Variants in PTK2 observed in about 807,000 individuals in gnomAD.
The protein encoded by PTK2 is focal adhesion kinase 1.
A neutral mutation model predicts 150.1 loss-of-function variants in PTK2; 45 were observed. That is an observed-to-expected ratio of 0.30 (90% confidence interval 0.24 to 0.38). The LOEUF (loss-of-function observed/expected upper bound fraction) is 0.38, where lower values mean the gene tolerates loss of function less well. Among genes scored for constraint, PTK2 ranks in the 10% least tolerant of loss-of-function variants. The pLI, the probability that PTK2 is intolerant of heterozygous loss-of-function variation, is 1.00. For synonymous variants in PTK2, 432 were observed against 449.2 expected (o/e 0.96, Z 0.48); for missense variants, 919 against 1,307.3 (o/e 0.70, Z 4.58).
At chr8:140,809,662 C>T (rs1013153773) in intron 10 of PTK2, among the ~76,000 whole-genome samples, 27 of 151,982 alleles carry the variant, frequency 1.8e-4, no homozygotes, top group African/African-American at 5.3e-4. Flanking sequence ...AAAAATTAGC[C>T]GAGTGTAATG....
At chr8:140,663,297 AG>A (rs2083562131) in intron 31 of PTK2, among the ~76,000 whole-genome samples, 1 of 151,954 alleles carries the variant, frequency 6.6e-6, no homozygotes, top group South Asian at 2.1e-4. Flanking sequence ...TGAAACTCAA[AG>A]GAAAGTTGGG....
At chr8:140,836,530 G>C (rs1053447876) in intron 7 of PTK2, among the ~76,000 whole-genome samples, 3 of 152,164 alleles carry the variant, frequency 2.0e-5, no homozygotes, top group African/African-American at 7.2e-5. Context: ...ATAAACTTCT[G>C]TCTCAGTGAG....
intron 1 of PTK2, among the ~76,000 whole-genome samples, chr8:140,985,737 T>C (rs190873643): frequency 1.6e-3 from 239 of 152,330 alleles, no homozygotes; most frequent in African/African-American, 4.8e-3. Flanking sequence ...GCAAGTGCAA[T>C]GGGAGACACT....
At chr8:140,981,987 A>G (rs967884323) in intron 1 of PTK2, among the ~76,000 whole-genome samples, 1 of 151,780 alleles carries the variant, frequency 6.6e-6, no homozygotes, top group African/African-American at 2.4e-5. Flanking sequence ...TCTTCAGTTT[A>G]ATCATTTTTT....
At chr8:140,995,083 C>CAAAAAAAA (rs35987927) in intron 1 of PTK2, among the ~76,000 whole-genome samples, 2 of 122,316 alleles carry the variant, frequency 1.6e-5, no homozygotes, top group African/African-American at 6.3e-5. Context: ...AACTCTGTCT[C>CAAAAAAAA]AAAAAAAAAA....
intron 22 of PTK2, chr8:140,732,741 C>A: frequency 9.3e-6 from 3 of 321,778 alleles, no homozygotes; most frequent in South Asian, 7.6e-5. Flanking sequence ...GAATTGAACA[C>A]GGGTTGCAGC....
intron 16 of PTK2, among the ~76,000 whole-genome samples, chr8:140,760,741 T>G (rs1051374905): frequency 1.3e-5 from 2 of 152,238 alleles, no homozygotes; most frequent in South Asian, 2.1e-4. Flanking sequence ...CAAATGATAC[T>G]TCATTAAGCT....
At chr8:140,688,067 T>C (rs1452393205) in intron 26 of PTK2, among the ~76,000 whole-genome samples, 3 of 152,214 alleles carry the variant, frequency 2.0e-5, no homozygotes, top group African/African-American at 4.8e-5. Flanking sequence ...AGGTGAAACT[T>C]GTGTGTTGTC....
At chr8:140,943,835 TG>T (rs1445030012) in intron 1 of PTK2, among the ~76,000 whole-genome samples, 1 of 152,212 alleles carries the variant, frequency 6.6e-6, no homozygotes, top group Non-Finnish European at 1.5e-5. Context: ...ACTACTAATG[TG>T]GAACATCTTT....
At chr8:140,819,368 GA>G (rs1566977624) in intron 8 of PTK2, among the ~76,000 whole-genome samples, 1 of 151,830 alleles carries the variant, frequency 6.6e-6, no homozygotes, top group Non-Finnish European at 1.5e-5. Context: ...TGTTAGGAGG[GA>G]AAAAAACAGT....
intron 15 of PTK2, 52 bp downstream of exon 18, chr8:140,762,315 TC>T: frequency 9.4e-7 from 1 of 1,068,892 alleles, no homozygotes; most frequent in Non-Finnish European, 1.2e-6. Flanking sequence ...CCCATATCAC[TC>T]CACAGGTTGC....
At chr8:140,752,825 G>C (rs919605628) in intron 16 of PTK2, among the ~76,000 whole-genome samples, 1 of 152,238 alleles carries the variant, frequency 6.6e-6, no homozygotes, top group Non-Finnish European at 1.5e-5. Context: ...CTAAAGGAGG[G>C]AGGAGAGGGA....
At chr8:140,743,083 C>T (rs2100056637) in intron 20 of PTK2, 147 bp downstream of exon 23, 3 of 565,534 alleles carry the variant, frequency 5.3e-6, no homozygotes, top group African/African-American at 1.9e-5. Flanking sequence ...ACTGCTCCAG[C>T]ACCATTGCTG....
intron 3 of PTK2, among the ~76,000 whole-genome samples, chr8:140,887,339 A>C (rs1568210997): frequency 6.6e-6 from 1 of 152,150 alleles, no homozygotes; most frequent in Non-Finnish European, 1.5e-5. Flanking sequence ...TGTACCCAAG[A>C]TCTCCAGATC....
intron 2 of PTK2, among the ~76,000 whole-genome samples, chr8:140,893,156 C>T (rs1054073306): frequency 6.6e-6 from 1 of 152,104 alleles, no homozygotes; most frequent in Non-Finnish European, 1.5e-5. Flanking sequence ...GGCGAAACCC[C>T]ATCTCTATAA....
At chr8:140,906,882 G>A (rs1340135096) in intron 2 of PTK2, among the ~76,000 whole-genome samples, 2 of 152,022 alleles carry the variant, frequency 1.3e-5, no homozygotes, top group African/African-American at 4.8e-5. Context: ...ATTGTATACA[G>A]GTATCACGTA....
At chr8:140,660,026 A>T (rs1563735717) in intron 31 of PTK2, among the ~76,000 whole-genome samples, 1 of 151,618 alleles carries the variant, frequency 6.6e-6, no homozygotes, top group African/African-American at 2.4e-5. Flanking sequence ...GCATTTAAAC[A>T]TTTTTTTTAC....
intron 26 of PTK2, among the ~76,000 whole-genome samples, chr8:140,700,513 TTCAC>T (rs1250789565): frequency 6.8e-4 from 103 of 151,728 alleles, no homozygotes; most frequent in African/African-American, 2.4e-3. Flanking sequence ...GAGATGGAGT[TTCAC>T]TCGTCGCCCA....
At chr8:140,690,095 G>A (rs777486769) in intron 26 of PTK2, among the ~76,000 whole-genome samples, 2 of 152,162 alleles carry the variant, frequency 1.3e-5, no homozygotes, top group Admixed American at 6.5e-5. Flanking sequence ...TGGGACTACA[G>A]GCGTCCGCCA....
Sources: allele counts gnomAD v4.1 joint callset (sites outside exome capture counted in the v4.1 genomes callset), GRCh38; gene constraint gnomAD v4.1.1; transcripts MANE v1.5; gene names NCBI Gene and HGNC (gene_info 2026-07-23, HGNC 2026-07-21).